The following EPB41L5 variants were observed in gnomAD, a reference collection of about 807,000 sequenced individuals.
The protein encoded by EPB41L5 is band 4.1-like protein 5.
EPB41L5 carries 55 observed loss-of-function variants against 106.6 expected under a neutral mutation model. That is an observed-to-expected ratio of 0.52 (90% CI 0.42 to 0.65). The LOEUF (loss-of-function observed/expected upper bound fraction) is 0.65. Among genes scored for constraint, EPB41L5 ranks in the 30% least tolerant of loss-of-function variants. The pLI is 0.00. For synonymous variants in EPB41L5, 297 were observed against 306.7 expected (o/e 0.97, Z 0.33); for missense variants, 871 against 882.1 (o/e 0.99, Z 0.16).
intron 3 of EPB41L5, among the ~76,000 whole-genome samples, chr2:120,058,618 CT>C (rs762046957): frequency 3.9e-5 from 6 of 152,144 alleles, no homozygotes; most frequent in Non-Finnish European, 4.4e-5. Flanking sequence ...TTACATTTAC[CT>C]GCAAAAGACA....
intron 2 of EPB41L5, among the ~76,000 whole-genome samples, chr2:120,032,698 C>T (rs1308686347): frequency 1.3e-5 from 2 of 152,224 alleles, no homozygotes; most frequent in Admixed American, 1.3e-4. Context: ...ATTCTGTTCA[C>T]ATTTCCAGGC....
rs181398402 is a variant in EPB41L5, at chr2:120,136,525, A to G, written c.1599+4810A>G. On this transcript the variant is annotated intron_variant, in intron 18 of 24. Transcript: ENST00000263713. Reference sequence around the variant, plus strand: ...TGCCTACAAGATGCACATTTTACCTATAAAGACCCATAAAGACTGAAAATA... The same window carrying G: ...TGCCTACAAGATGCACATTTTACCTGTAAAGACCCATAAAGACTGAAAATA... Among the ~76,000 whole-genome samples the G allele has an allele frequency of 8.6e-5, 13 of 151,558 alleles. No homozygotes were observed. The East Asian group carries it at 1.7e-3, about 20-fold the overall frequency.
At chr2:120,051,143 C>G (rs1680250482) in intron 3 of EPB41L5, among the ~76,000 whole-genome samples, 1 of 152,186 alleles carries the variant, frequency 6.6e-6, no homozygotes, top group Admixed American at 6.5e-5. Flanking sequence ...TCTCAGATCT[C>G]AAACAGTGTG....
At chr2:120,151,839 ACTC>A (rs1313678997) in intron 20 of EPB41L5, among the ~76,000 whole-genome samples, 1 of 150,176 alleles carries the variant, frequency 6.7e-6, no homozygotes, top group Non-Finnish European at 1.5e-5. Flanking sequence ...CTAATCTTGA[ACTC>A]CTGATCTCAG....
At chr2:120,107,040 A>C in intron 16 of EPB41L5, 1 of 518,326 alleles carries the variant, frequency 1.9e-6, no homozygotes, top group Non-Finnish European at 2.5e-6. Flanking sequence ...GTTGGCCAAA[A>C]AATGTTATTT....
intron 18 of EPB41L5, 128 bp downstream of exon 18, chr2:120,131,843 C>G (rs1685708568): frequency 1.5e-6 from 1 of 655,272 alleles, no homozygotes; most frequent in South Asian, 2.3e-5. Flanking sequence ...TCTTATAAAC[C>G]TGTTTTCTCA....
At chr2:120,086,739 T>G (rs1284085309) in intron 10 of EPB41L5, among the ~76,000 whole-genome samples, 3 of 152,160 alleles carry the variant, frequency 2.0e-5, no homozygotes, top group African/African-American at 7.2e-5. Flanking sequence ...AGAACCTATC[T>G]CAAACAAACA....
chr2:120,101,832 T>G (rs1282126006), intron 16 of EPB41L5, among the ~76,000 whole-genome samples: 1 of 152,200 alleles, frequency 6.6e-6, no homozygotes, highest in Non-Finnish European at 1.5e-5. Flanking sequence ...TTTATAAGAT[T>G]GAGTTCCCTT....
intron 3 of EPB41L5, among the ~76,000 whole-genome samples, chr2:120,068,533 G>A (rs193050046): frequency 2.0e-5 from 3 of 152,324 alleles, no homozygotes; most frequent in Non-Finnish European, 2.9e-5. Flanking sequence ...AGGGGCGTCC[G>A]CCGTTACTGA....
intron 3 of EPB41L5, among the ~76,000 whole-genome samples, chr2:120,058,309 C>T (rs1175847038): frequency 6.6e-6 from 1 of 152,050 alleles, no homozygotes; most frequent in East Asian, 1.9e-4. Flanking sequence ...CCTCAGCCTC[C>T]CAAGTAGGTA....
chr2:120,114,934 G>A (rs1684882286), intron 16 of EPB41L5, among the ~76,000 whole-genome samples: 1 of 151,890 alleles, frequency 6.6e-6, no homozygotes, highest in African/African-American at 2.4e-5. Context: ...TATGTGTTTG[G>A]GTACTCTGGT....
intron 16 of EPB41L5, among the ~76,000 whole-genome samples, chr2:120,110,972 T>C (rs1684704445): frequency 6.6e-6 from 1 of 152,158 alleles, no homozygotes; most frequent in Non-Finnish European, 1.5e-5. Flanking sequence ...ATACATTCCA[T>C]AACTTGTACC....
chr2:120,138,389 G>A (rs772004120), intron 18 of EPB41L5, among the ~76,000 whole-genome samples: 30 of 151,850 alleles, frequency 2.0e-4, no homozygotes, highest in Non-Finnish European at 3.4e-4. Context: ...ATCTAAATTG[G>A]AAAGGAAGAA....
At chr2:120,025,373 AT>A (rs1040842423) in intron 2 of EPB41L5, among the ~76,000 whole-genome samples, 29 of 150,294 alleles carry the variant, frequency 1.9e-4, no homozygotes, top group African/African-American at 6.4e-4. Context: ...TGTCTATTTG[AT>A]TTTTTTTTCT....
chr2:120,080,911 C>A (rs1158977816), intron 10 of EPB41L5, among the ~76,000 whole-genome samples: 1 of 151,956 alleles, frequency 6.6e-6, no homozygotes, highest in Admixed American at 6.6e-5. Context: ...TCTTCTTTTG[C>A]GAAATGTCTG....
chr2:120,074,202 G>T, intron 5 of EPB41L5, 24 bp downstream of exon 5: 1 of 1,557,254 alleles, frequency 6.4e-7, no homozygotes, highest in African/African-American at 1.4e-5. Flanking sequence ...CTAGAATTGT[G>T]CCAGGGTTAT....
chr2:120,131,970 AACC>A (rs1685714847), intron 18 of EPB41L5, among the ~76,000 whole-genome samples: 2 of 152,192 alleles, frequency 1.3e-5, no homozygotes, highest in Non-Finnish European at 2.9e-5. Context: ...ATGAGTGTTA[AACC>A]TTTTATTTTG....
chr2:120,078,407 A>G (rs1053632402), intron 9 of EPB41L5, 86 bp from the exon 10 acceptor site: 4 of 737,130 alleles, frequency 5.4e-6, no homozygotes, highest in East Asian at 2.8e-5. Flanking sequence ...ATACAATTCA[A>G]TACAAAAATA....
chr2:120,018,086 C>T (rs1046246462), intron 1 of EPB41L5, among the ~76,000 whole-genome samples: 16 of 152,132 alleles, frequency 1.1e-4, no homozygotes, highest in South Asian at 4.1e-4. Context: ...CTCAGCCTCC[C>T]GGTAGCTGGG....
Sources: gnomAD v4.1 joint callset for allele counts (sites outside exome capture counted in the v4.1 genomes callset) on GRCh38, gnomAD v4.1.1 for gene constraint, MANE v1.5 for transcripts, NCBI Gene and HGNC (gene_info 2026-07-23, HGNC 2026-07-21) for gene names.